The following SRGAP1 variants were observed in gnomAD, a reference collection of about 807,000 sequenced individuals.
SRGAP1 encodes the protein SLIT-ROBO Rho GTPase activating protein 1.
SRGAP1 carries 43 observed loss-of-function variants against 121.9 expected under a neutral mutation model. The observed-to-expected ratio is 0.35, with a 90% CI of 0.28 to 0.46. The LOEUF (loss-of-function observed/expected upper bound fraction) is 0.46, where lower values mean the gene tolerates loss of function less well. Among genes scored for constraint, SRGAP1 ranks in the 20% least tolerant of loss-of-function variants. The pLI, the probability that SRGAP1 is intolerant of heterozygous loss-of-function variation, is 1.00. For synonymous variants in SRGAP1, 447 were observed against 485.4 expected, an observed-to-expected ratio of 0.92 and a Z score of 1.04; for missense variants, 1,102 against 1,350.9, an observed-to-expected ratio of 0.82 and a Z score of 2.89.
At chr12:63,872,305 G>A (rs536989120) in intron 1 of SRGAP1, among the ~76,000 whole-genome samples, 1 of 152,172 alleles carries the variant, frequency 6.6e-6, no homozygotes, top group Admixed American at 6.5e-5. Context: ...AAAACATTTT[G>A]TAAAATTACC....
chr12:64,006,866 C>A (rs2034100952), intron 3 of SRGAP1, among the ~76,000 whole-genome samples: 1 of 152,098 alleles, frequency 6.6e-6, no homozygotes, highest in Admixed American at 6.6e-5. Context: ...TAATTTAAAT[C>A]CAGAATATTT....
At chr12:63,896,230 C>T (rs1053175084) in intron 1 of SRGAP1, among the ~76,000 whole-genome samples, 30 of 152,032 alleles carry the variant, frequency 2.0e-4, no homozygotes, top group South Asian at 4.2e-4. Flanking sequence ...TTAGTAAGTT[C>T]CTTATAAATT....
chr12:64,126,568 G>GT (rs2036690592), intron 19 of SRGAP1, among the ~76,000 whole-genome samples: 1 of 152,096 alleles, frequency 6.6e-6, no homozygotes. Context: ...GTTTTGTTTT[G>GT]TTTTTTGCTG....
At chr12:64,035,761 G>T (rs1480409559) in intron 4 of SRGAP1, among the ~76,000 whole-genome samples, 1 of 152,132 alleles carries the variant, frequency 6.6e-6, no homozygotes, top group Non-Finnish European at 1.5e-5. Flanking sequence ...ATAGCAAAAA[G>T]GCATCTGTTG....
intron 10 of SRGAP1, among the ~76,000 whole-genome samples, chr12:64,086,429 AG>A (rs773182249): frequency 6.6e-6 from 1 of 152,228 alleles, no homozygotes; most frequent in Non-Finnish European, 1.5e-5. Context: ...TTAGCTTACA[AG>A]TTGGTGGAAT....
chr12:63,955,426 A>T (rs1051527129), intron 1 of SRGAP1, among the ~76,000 whole-genome samples: 5 of 152,256 alleles, frequency 3.3e-5, no homozygotes, highest in African/African-American at 1.2e-4. Flanking sequence ...TAATTAACAC[A>T]TGCATTACCT....
chr12:63,960,738 C>T (rs1320796325), intron 1 of SRGAP1, among the ~76,000 whole-genome samples: 1 of 152,066 alleles, frequency 6.6e-6, no homozygotes, highest in East Asian at 1.9e-4. Context: ...TCACAAGGGT[C>T]CTTATAACAG....
At chr12:64,037,691 C>G (rs1024203250) in intron 4 of SRGAP1, among the ~76,000 whole-genome samples, 8 of 152,212 alleles carry the variant, frequency 5.3e-5, no homozygotes, top group Non-Finnish European at 1.0e-4. Flanking sequence ...TGTGTGCTTT[C>G]CCGCATCCCT....
chr12:63,955,263 G>C (rs2032428065), intron 1 of SRGAP1, among the ~76,000 whole-genome samples: 1 of 152,238 alleles, frequency 6.6e-6, no homozygotes, highest in African/African-American at 2.4e-5. Flanking sequence ...AGGTTGCCGT[G>C]AGCCGGGATC....
At chr12:64,062,705 C>CG (rs1166517125) in intron 6 of SRGAP1, among the ~76,000 whole-genome samples, 1 of 151,880 alleles carries the variant, frequency 6.6e-6, no homozygotes, top group Non-Finnish European at 1.5e-5. Flanking sequence ...TTAGTAGAGA[C>CG]GGGGGGTCTT....
chr12:64,147,176 C>A lies in SRGAP1; in HGVS notation c.*4504C>A, dbSNP rs901205616. 7.8e-6 allele frequency: 2 copies of A among 256,296 alleles called. No individual in the cohort carries two copies. The highest frequency in any genetic ancestry group is 7.1e-5 in the East Asian group (1 of 14,180). 15.9% of individuals were successfully genotyped at this position (256,296 alleles called of 1,614,324 possible). A position where few individuals can be genotyped will look rare whatever the true frequency, so the allele number is the denominator to read the frequency against. ...CGTACTGAAGGGTAACTGCTGCCCG[C>A]GTAATTAAATCAGTATTGTCCTTTC... On this transcript the variant is annotated 3_prime_UTR_variant, in exon 22 of 22. Coordinates refer to ENST00000355086, the MANE Select transcript of SRGAP1 (RefSeq NM_020762.4).
At chr12:64,135,730 A>G (rs2036846923) in intron 21 of SRGAP1, among the ~76,000 whole-genome samples, 2 of 152,176 alleles carry the variant, frequency 1.3e-5, no homozygotes, top group Admixed American at 6.5e-5. Context: ...GAAGCCCCAA[A>G]ATCAATGAAA....
intron 1 of SRGAP1, among the ~76,000 whole-genome samples, chr12:63,949,186 T>TA (rs57672780): frequency 0.4 from 49,466 of 123,542 alleles, 11,488 homozygotes; most frequent in East Asian, 0.55. Flanking sequence ...TCCATATATA[T>TA]TTTTTTTTCC....
chr12:64,115,679 T>C, intron 17 of SRGAP1, 135 bp from the exon 18 acceptor site: 4 of 615,210 alleles, frequency 6.5e-6, no homozygotes, highest in Non-Finnish European at 1.1e-5. Flanking sequence ...GAGGATCACT[T>C]GAGCCTGGGA....
At chr12:63,920,968 C>T (rs1042028335) in intron 1 of SRGAP1, among the ~76,000 whole-genome samples, 1 of 152,102 alleles carries the variant, frequency 6.6e-6, no homozygotes, top group Non-Finnish European at 1.5e-5. Flanking sequence ...GTTGATGTTT[C>T]AAAAGTACCT....
Position 64,043,463 on chromosome 12 carries a change from C to G in SRGAP1, c.689C>G (p.Ser230Ter). The part of the protein sequence containing the change: ...KMKEKRQAKY[S>*]ENKLKSIKAR... ...TCATTCCAGAGACAAGCAAAATATT[C>G]AGAAAATAAGCTAAAATCAATTAAG... The change falls in exon 6 of 22, where the codon TCA (serine) becomes TGA (stop). Residue 230 changes from serine to a stop codon, truncating the protein, a stop_gained. Transcript: ENST00000355086. LOFTEE classifies it high-confidence loss of function. 1.9e-6 allele frequency: 3 copies of G among 1,610,116 alleles called. No individual in the cohort carries two copies. The highest frequency in any genetic ancestry group is 2.5e-6 in the Non-Finnish European group (3 of 1,178,886).
At chr12:63,956,884 C>T (rs2032490646) in intron 1 of SRGAP1, among the ~76,000 whole-genome samples, 1 of 152,140 alleles carries the variant, frequency 6.6e-6, no homozygotes, top group Non-Finnish European at 1.5e-5. Context: ...ACAACACACC[C>T]ATTAGCCATC....
intron 1 of SRGAP1, among the ~76,000 whole-genome samples, chr12:63,943,193 A>G (rs2031925550): frequency 6.6e-6 from 1 of 152,206 alleles, no homozygotes; most frequent in South Asian, 2.1e-4. Context: ...CAGTCTCTTC[A>G]TAGTAATTTT....
At chr12:64,088,070 A>G (rs552515362) in intron 11 of SRGAP1, among the ~76,000 whole-genome samples, 1 of 152,362 alleles carries the variant, frequency 6.6e-6, no homozygotes. Context: ...AGACGCATTT[A>G]GAACACTGGT....
Sources: allele counts gnomAD v4.1 joint callset (sites outside exome capture counted in the v4.1 genomes callset), GRCh38; gene constraint gnomAD v4.1.1; transcripts MANE v1.5; gene names NCBI Gene and HGNC (gene_info 2026-07-23, HGNC 2026-07-21).